NOX3: variants seen among roughly 807,000 people sequenced by gnomAD.
NOX3 encodes the protein NADPH oxidase catalytic subunit-like 3.
NOX3 carries 74 observed loss-of-function variants against 76.7 expected under a neutral mutation model. The ratio of observed to expected loss-of-function variants is 0.96; its 90% CI spans 0.80 to 1.17. The LOEUF is 1.17. NOX3 is among the 50% of genes most tolerant of loss of function. The pLI, the probability that NOX3 is intolerant of heterozygous loss-of-function variation, is 0.00. For missense variants in NOX3, 695 were observed against 703.3 expected (o/e 0.99, Z 0.13); for synonymous variants, 263 against 261.1 (o/e 1.01, Z -0.07).
chr6:155,411,741 T>C (rs796625634), intron 10 of NOX3, among the ~76,000 whole-genome samples: 3 of 152,344 alleles, frequency 2.0e-5, no homozygotes, highest in South Asian at 4.1e-4. Flanking sequence ...TCTTTACTTA[T>C]GACCTAAGCT....
At position 155,423,395 on chromosome 6, in the gene NOX3, G is replaced by T. The variant is rs536022913; in HGVS notation, c.1146-539C>A. On this transcript the variant is annotated intron_variant, in intron 9 of 13. Transcript: ENST00000159060. The stretch of plus-strand genomic sequence containing the variant: ...AATAAATATAATTTTGAAGTCATTT[G>T]TCAGTTATGTGGAACTTCTAAAACC... Among the ~76,000 whole-genome samples the T allele has an allele frequency of 7.9e-5, 12 of 152,288 alleles. No individual in the cohort carries two copies. The South Asian group carries it at 1.9e-3, about 24-fold the overall frequency.
chr6:155,447,205 C>A (rs11961728), intron 4 of NOX3, among the ~76,000 whole-genome samples: 4,508 of 152,074 alleles, frequency 0.03, 224 homozygotes, highest in African/African-American at 0.1. Flanking sequence ...CCACCATGCC[C>A]AGCTAATTTT....
At chr6:155,444,465 G>A (rs977483139) in intron 4 of NOX3, among the ~76,000 whole-genome samples, 8 of 152,124 alleles carry the variant, frequency 5.3e-5, no homozygotes, top group Non-Finnish European at 1.2e-4. Context: ...AAGTAGTGAT[G>A]CTGGCAATTC....
rs1184179310 is a variant in NOX3, at chr6:155,439,538, A to T, written c.668+418T>A. On this transcript the variant is annotated intron_variant, in intron 6 of 13. Coordinates refer to ENST00000159060, the MANE Select transcript of NOX3 (RefSeq NM_015718.3). ...CCCCACACCAGACTGCCCATGCCACACATTGTCCCTGCCCGAACAGTGGGT... is the reference window on the plus strand; with the variant it reads ...CCCCACACCAGACTGCCCATGCCACTCATTGTCCCTGCCCGAACAGTGGGT... Among the ~76,000 whole-genome samples the T allele has an allele frequency of 2.0e-5, 3 of 152,188 alleles. No homozygotes were observed. The East Asian group carries it at 5.8e-4, about 29-fold the overall frequency.
chr6:155,436,930 T>C (rs1776911973), intron 6 of NOX3, among the ~76,000 whole-genome samples: 1 of 152,218 alleles, frequency 6.6e-6, no homozygotes, highest in African/African-American at 2.4e-5. Context: ...TATTTGGTTC[T>C]TTTGCAGATT....
chr6:155,435,362 A>G (rs1776887598), intron 7 of NOX3, among the ~76,000 whole-genome samples: 1 of 152,108 alleles, frequency 6.6e-6, no homozygotes, highest in African/African-American at 2.4e-5. Flanking sequence ...TGCAGGTTGG[A>G]TAGTGGCTAC....
intron 12 of NOX3, among the ~76,000 whole-genome samples, chr6:155,404,688 A>G (rs1271878491): frequency 1.3e-5 from 2 of 152,144 alleles, no homozygotes; most frequent in African/African-American, 4.8e-5. Context: ...GTGGGTCAGG[A>G]GTAATCCCCA....
At chr6:155,427,908 T>C (rs966324356) in intron 9 of NOX3, among the ~76,000 whole-genome samples, 1 of 152,098 alleles carries the variant, frequency 6.6e-6, no homozygotes, top group Non-Finnish European at 1.5e-5. Flanking sequence ...TCCTCCTCCT[T>C]CTTCTTTTTT....
intron 4 of NOX3, among the ~76,000 whole-genome samples, chr6:155,447,906 T>C (rs1562472779): frequency 6.6e-6 from 1 of 152,222 alleles, no homozygotes; most frequent in East Asian, 1.9e-4. Context: ...TCTTTAGACA[T>C]TGTATTTTCT....
intron 1 of NOX3, among the ~76,000 whole-genome samples, chr6:155,455,331 A>G (rs1777200565): frequency 6.6e-6 from 1 of 152,250 alleles, no homozygotes; most frequent in African/African-American, 2.4e-5. Context: ...AAAAGATTTT[A>G]AACACATATG....
chr6:155,432,204 TATTGGGAAC>T (rs1157556586), intron 7 of NOX3, among the ~76,000 whole-genome samples: 1 of 152,124 alleles, frequency 6.6e-6, no homozygotes, highest in African/African-American at 2.4e-5. Flanking sequence ...TATTTCTTTG[TATTGGGAAC>T]ATTCAATATC....
intron 8 of NOX3, 98 bp downstream of exon 8, chr6:155,430,745 A>G (rs1163675568): frequency 4.3e-6 from 3 of 696,692 alleles, no homozygotes; most frequent in East Asian, 5.3e-5. Flanking sequence ...TAAATTACAG[A>G]CAGTTCTGCA....
chr6:155,438,190 T>A (rs1245728598), intron 6 of NOX3, among the ~76,000 whole-genome samples: 1 of 151,976 alleles, frequency 6.6e-6, no homozygotes, highest in African/African-American at 2.4e-5. Flanking sequence ...GCTTCAGGGG[T>A]TAACAACCCC....
chr6:155,453,792 A>G (rs866263255), intron 3 of NOX3, among the ~76,000 whole-genome samples: 2 of 152,232 alleles, frequency 1.3e-5, no homozygotes, highest in Non-Finnish European at 1.5e-5. Context: ...GGTAATAGCC[A>G]TCATCCTCAT....
intron 10 of NOX3, among the ~76,000 whole-genome samples, chr6:155,416,703 G>A (rs1776624868): frequency 7.1e-6 from 1 of 141,098 alleles, no homozygotes; most frequent in African/African-American, 2.6e-5. Context: ...TCTAATTACA[G>A]TTAATAATCC....
intron 4 of NOX3, among the ~76,000 whole-genome samples, chr6:155,445,996 T>TATAAAA (rs1554264831): frequency 5.6e-4 from 75 of 134,376 alleles, no homozygotes; most frequent in Non-Finnish European, 1.0e-3. Context: ...TATATATATA[T>TATAAAA]AATATATATA....
At chr6:155,404,982 G>T (rs998248908) in intron 12 of NOX3, among the ~76,000 whole-genome samples, 1 of 152,088 alleles carries the variant, frequency 6.6e-6, no homozygotes, top group Non-Finnish European at 1.5e-5. Context: ...AAAGAAAATG[G>T]CATCTTTCTG....
At chr6:155,397,163 A>C (rs1319764491) in intron 12 of NOX3, among the ~76,000 whole-genome samples, 1 of 151,970 alleles carries the variant, frequency 6.6e-6, no homozygotes, top group Non-Finnish European at 1.5e-5. Flanking sequence ...TCCTCCCCTA[A>C]ATTAATCAGG....
intron 10 of NOX3, among the ~76,000 whole-genome samples, chr6:155,413,658 T>C (rs758402927): frequency 6.6e-6 from 1 of 152,202 alleles, no homozygotes; most frequent in South Asian, 2.1e-4. Flanking sequence ...CATTTTGCCT[T>C]GCTTTGCTCT....
Sources: allele counts gnomAD v4.1 joint callset (sites outside exome capture counted in the v4.1 genomes callset), GRCh38; gene constraint gnomAD v4.1.1; transcripts MANE v1.5; gene names NCBI Gene and HGNC (gene_info 2026-07-23, HGNC 2026-07-21).